CDK6: variants seen among roughly 807,000 people sequenced by gnomAD.
The protein encoded by CDK6 is cyclin-dependent kinase 6.
CDK6 carries 6 observed loss-of-function variants against 37.1 expected under a neutral mutation model. The ratio of observed to expected loss-of-function variants is 0.16; its 90% CI spans 0.09 to 0.32. CDK6 has a LOEUF of 0.32. CDK6 is among the 10% of genes least tolerant of loss of function. CDK6 has a pLI of 1.00. For synonymous variants in CDK6, 160 were observed against 161.3 expected (o/e 0.99, Z 0.06); for missense variants, 224 against 418.9 (o/e 0.53, Z 4.06).
At chr7:92,661,277 G>GATGA (rs1194847571) in intron 5 of CDK6, among the ~76,000 whole-genome samples, 3 of 152,264 alleles carry the variant, frequency 2.0e-5, no homozygotes, top group South Asian at 2.1e-4. Context: ...GTCAAATAGG[G>GATGA]ATGACAACAG....
intron 5 of CDK6, among the ~76,000 whole-genome samples, chr7:92,647,449 G>A (rs1796478104): frequency 1.3e-5 from 2 of 152,274 alleles, no homozygotes. Flanking sequence ...GAGGTGAGTG[G>A]GCAATGCTCC....
chr7:92,731,950 G>A (rs1023427307), intron 3 of CDK6, among the ~76,000 whole-genome samples: 1 of 152,180 alleles, frequency 6.6e-6, no homozygotes, highest in Non-Finnish European at 1.5e-5. Flanking sequence ...CTTCAGAGCA[G>A]GAGATAAAAA....
At chr7:92,792,340 C>T (rs1800305656) in intron 2 of CDK6, among the ~76,000 whole-genome samples, 1 of 152,116 alleles carries the variant, frequency 6.6e-6, no homozygotes, top group Non-Finnish European at 1.5e-5. Context: ...CAACCACTTT[C>T]ACAAATCTAT....
intron 2 of CDK6, among the ~76,000 whole-genome samples, chr7:92,819,778 A>G (rs1231958524): frequency 6.6e-6 from 1 of 152,102 alleles, no homozygotes; most frequent in Non-Finnish European, 1.5e-5. Flanking sequence ...TTGAAGTTAA[A>G]AATATTAATT....
intron 6 of CDK6, 188 bp from the exon 7 acceptor site, chr7:92,618,395 G>A (rs973652333): frequency 2.0e-5 from 11 of 546,750 alleles, no homozygotes; most frequent in Middle Eastern, 9.3e-4. Context: ...CCATGGGGGA[G>A]AGGGTAATCT....
chr7:92,687,048 T>G (rs1797473402), intron 4 of CDK6, among the ~76,000 whole-genome samples: 1 of 152,188 alleles, frequency 6.6e-6, no homozygotes, highest in Admixed American at 6.5e-5. Context: ...AAGTATAGAT[T>G]GTGAAGAAAA....
intron 4 of CDK6, among the ~76,000 whole-genome samples, chr7:92,705,469 GAGC>G (rs1247869490): frequency 6.6e-6 from 1 of 152,108 alleles, no homozygotes; most frequent in Non-Finnish European, 1.5e-5. Context: ...AAAGAGCTTT[GAGC>G]AGCATTAAAA....
rs567831119 is a variant in CDK6, at chr7:92,612,179, C to T, written c.*2961G>A. On this transcript the variant is annotated 3_prime_UTR_variant, in exon 8 of 8. Coordinates refer to ENST00000424848, the MANE Select transcript of CDK6 (RefSeq NM_001145306.2). ...TCCCAAAATGCCTGAGCCGCCAGAA[C>T]CAAACATCAAACAGAAACTAGCAGG... 6 of 233,118 alleles carry T rather than the reference C, an allele frequency of 2.6e-5. No individual in the cohort carries two copies. The highest frequency in any genetic ancestry group is 1.3e-4 in the African/African-American group (6 of 45,448). 14.4% of individuals were successfully genotyped at this position (233,118 alleles called of 1,614,324 possible). A position where few individuals can be genotyped will look rare whatever the true frequency, so the allele number is the denominator to read the frequency against.
intron 4 of CDK6, among the ~76,000 whole-genome samples, chr7:92,721,131 T>C (rs1394050224): frequency 6.6e-6 from 1 of 152,092 alleles, no homozygotes; most frequent in African/African-American, 2.4e-5. Context: ...CATTTCCAAC[T>C]CCTTCTTTGA....
chr7:92,762,771 C>T (rs1799488507), intron 3 of CDK6, among the ~76,000 whole-genome samples: 1 of 151,980 alleles, frequency 6.6e-6, no homozygotes, highest in Non-Finnish European at 1.5e-5. Context: ...CGAGGTTTCA[C>T]CATACTGGCC....
At chr7:92,814,250 A>T (rs1800964709) in intron 2 of CDK6, among the ~76,000 whole-genome samples, 1 of 152,208 alleles carries the variant, frequency 6.6e-6, no homozygotes. Flanking sequence ...TCAGCAACAG[A>T]AGAATGAAAC....
intron 5 of CDK6, among the ~76,000 whole-genome samples, chr7:92,632,933 CTTTTTTTTTT>C (rs397889657): frequency 1.2e-4 from 13 of 108,884 alleles, no homozygotes; most frequent in Admixed American, 1.2e-3. Context: ...CTCTAAAGAT[CTTTTTTTTTT>C]TTTTTTTTTT....
chr7:92,784,796 G>A (rs980729724), intron 2 of CDK6, among the ~76,000 whole-genome samples: 5 of 152,024 alleles, frequency 3.3e-5, no homozygotes, highest in Admixed American at 2.6e-4. Context: ...ATACATAGGT[G>A]TTCAATAAAT....
chr7:92,793,031 C>G (rs191585981), intron 2 of CDK6, among the ~76,000 whole-genome samples: 1 of 151,944 alleles, frequency 6.6e-6, no homozygotes, highest in Admixed American at 6.6e-5. Flanking sequence ...TCAAAAGCAA[C>G]AAAATACGTA....
intron 4 of CDK6, among the ~76,000 whole-genome samples, chr7:92,672,184 GACACATACACACACACACAC>G (rs1797096082): frequency 9.1e-5 from 4 of 44,140 alleles, no homozygotes; most frequent in African/African-American, 2.5e-4. Flanking sequence ...CACACACACA[GACACATACACACACACACAC>G]ACACACACAC....
chr7:92,821,768 T>C (rs1377647233), intron 2 of CDK6, among the ~76,000 whole-genome samples: 1 of 151,836 alleles, frequency 6.6e-6, no homozygotes, highest in African/African-American at 2.4e-5. Context: ...ATATTAGTAT[T>C]ATCAGTGATG....
chr7:92,779,656 A>T (rs1799937572), intron 2 of CDK6, among the ~76,000 whole-genome samples: 1 of 152,192 alleles, frequency 6.6e-6, no homozygotes, highest in Non-Finnish European at 1.5e-5. Flanking sequence ...AGTGCTGGCT[A>T]GCCATCCACA....
chr7:92,627,244 T>C (rs1407027245), intron 5 of CDK6, among the ~76,000 whole-genome samples: 2 of 152,068 alleles, frequency 1.3e-5, no homozygotes, highest in East Asian at 1.9e-4. Context: ...ATATAGACAA[T>C]GTAAATTTAT....
chr7:92,663,386 T>G (rs993944256), intron 5 of CDK6, among the ~76,000 whole-genome samples: 1 of 152,048 alleles, frequency 6.6e-6, no homozygotes, highest in African/African-American at 2.4e-5. Context: ...ATTTTTCAAA[T>G]TCATGTTAAA....
Sources: allele counts gnomAD v4.1 joint callset (sites outside exome capture counted in the v4.1 genomes callset), GRCh38; gene constraint gnomAD v4.1.1; transcripts MANE v1.5; gene names NCBI Gene and HGNC (gene_info 2026-07-23, HGNC 2026-07-21).